UPK1A: variants seen among roughly 807,000 people sequenced by gnomAD.
UPK1A encodes uroplakin 1A.
UPK1A carries 31 observed loss-of-function variants against 32.3 expected under a neutral mutation model. The ratio of observed to expected loss-of-function variants is 0.96; its 90% CI spans 0.72 to 1.30. UPK1A has a LOEUF of 1.30. Among genes scored for constraint, UPK1A ranks in the 50% most tolerant of loss-of-function variants. UPK1A has a pLI of 0.00. For missense variants in UPK1A, 340 were observed against 357.4 expected, an observed-to-expected ratio of 0.95 and a Z score of 0.39; for synonymous variants, 135 against 137.1, an observed-to-expected ratio of 0.98 and a Z score of 0.11.
chr19:35,675,699 C>G, intron 5 of UPK1A, 141 bp from the exon 6 acceptor site: 1 of 961,414 alleles, frequency 1.0e-6, no homozygotes. Flanking sequence ...ACCGGACACA[C>G]TCGCTTGGAG....
At chr19:35,675,776 AC>A in intron 5 of UPK1A, 63 bp from the exon 6 acceptor site, 1 of 1,530,440 alleles carries the variant, frequency 6.5e-7, no homozygotes, top group South Asian at 1.3e-5. Flanking sequence ...TTGCTGTGTG[AC>A]CTCAGGCAAG....
chr19:35,667,130 C>T (rs1317573843), intron 2 of UPK1A, among the ~76,000 whole-genome samples: 1 of 152,140 alleles, frequency 6.6e-6, no homozygotes, highest in Non-Finnish European at 1.5e-5. Flanking sequence ...ATTGTGTGGG[C>T]TGTTGTCATG....
chr19:35,670,915 A>G (rs1347556672), intron 3 of UPK1A, among the ~76,000 whole-genome samples: 1 of 151,246 alleles, frequency 6.6e-6, no homozygotes, highest in Non-Finnish European at 1.5e-5. Context: ...GAGTCTCACT[A>G]TGGTGCCCAG....
At chr19:35,672,190 C>G (rs1968112510) in intron 3 of UPK1A, among the ~76,000 whole-genome samples, 1 of 152,182 alleles carries the variant, frequency 6.6e-6, no homozygotes, top group Admixed American at 6.5e-5. Context: ...CAAATTCAAT[C>G]AAGTTCTTCT....
At chr19:35,673,193 G>C in intron 3 of UPK1A, 39 bp from the exon 4 acceptor site, 2 of 1,606,392 alleles carry the variant, frequency 1.2e-6, no homozygotes, top group African/African-American at 2.7e-5. Context: ...TGGCTTCACG[G>C]GCTCTGCCCG....
Position 35,668,832 on chromosome 19 carries a change from A to G in UPK1A, c.285+178A>G, listed in dbSNP as rs1024701344. On this transcript the variant is annotated intron_variant, in intron 3 of 7. Transcript: ENST00000617999. ...GCCCAATAACCCAGGCTTGAGTAGC[A>G]GAGCTGGGATTTTTTCTTTTTTTTT... 2.2e-5 allele frequency: 16 copies of G among 714,984 alleles called. No homozygotes were observed. In the East Asian group the frequency reaches 4.5e-4, roughly 20 times the overall value. 44.3% of individuals were successfully genotyped at this position (714,984 alleles called of 1,614,324 possible).
exon 8 of UPK1A, chr19:35,678,261 T>C (rs1968213652): frequency 1.4e-5 from 6 of 425,908 alleles, no homozygotes; most frequent in South Asian, 6.9e-5. Flanking sequence ...CTCTCCATGA[T>C]CCCACCTCCC....
chr19:35,673,176 C>CA (rs1968127509), intron 3 of UPK1A, 56 bp from the exon 4 acceptor site: 1 of 1,568,270 alleles, frequency 6.4e-7, no homozygotes, highest in African/African-American at 1.3e-5. Context: ...GCTTCCCTGA[C>CA]GGGGTGTGGC....
At chr19:35,667,306 T>TTTGTG (rs910204227) in intron 2 of UPK1A, among the ~76,000 whole-genome samples, 1 of 150,204 alleles carries the variant, frequency 6.7e-6, no homozygotes, top group Admixed American at 6.7e-5. Context: ...GGTTTTGTGT[T>TTTGTG]TTTTGTTTTG....
At chr19:35,672,390 T>C (rs918458149) in intron 3 of UPK1A, among the ~76,000 whole-genome samples, 3 of 152,126 alleles carry the variant, frequency 2.0e-5, no homozygotes, top group African/African-American at 7.2e-5. Context: ...TCCTCCTGAG[T>C]AGCTGGGATT....
chr19:35,672,386 T>G (rs9973243), intron 3 of UPK1A, among the ~76,000 whole-genome samples: 1 of 151,908 alleles, frequency 6.6e-6, no homozygotes, highest in East Asian at 1.9e-4. Context: ...CTCATCCTCC[T>G]GAGTAGCTGG....
chr19:35,666,838 C>T (rs61741212), exon 2 of UPK1A: 204,649 of 1,613,748 alleles, frequency 0.13, 14,671 homozygotes, highest in African/African-American at 0.24. Context: ...GCAGCGGAGG[C>T]CGAGAAGGGA....
At chr19:35,668,387 C>T (rs778282447) in intron 2 of UPK1A, 67 bp from the exon 3 acceptor site, 11 of 1,594,520 alleles carry the variant, frequency 6.9e-6, no homozygotes, top group African/African-American at 2.7e-5. Flanking sequence ...GGAACTTGCT[C>T]GTGGAGATGC....
chr19:35,673,390 T>C, intron 4 of UPK1A, 48 bp from the exon 5 acceptor site: 2 of 1,610,062 alleles, frequency 1.2e-6, no homozygotes, highest in Non-Finnish European at 1.7e-6. Context: ...GGTCGTCCTC[T>C]CTCCCCACCC....
intron 3 of UPK1A, among the ~76,000 whole-genome samples, chr19:35,672,215 C>T (rs1968112953): frequency 1.3e-5 from 2 of 152,200 alleles, no homozygotes; most frequent in African/African-American, 4.8e-5. Context: ...CTTCCAATAC[C>T]CAGTCTGTGT....
At chr19:35,669,795 A>G (rs1435721734) in intron 3 of UPK1A, among the ~76,000 whole-genome samples, 1 of 152,208 alleles carries the variant, frequency 6.6e-6, no homozygotes, top group East Asian at 1.9e-4. Flanking sequence ...CTCCCAGGTG[A>G]CCAGGAGAGC....
At chr19:35,673,332 G>T (rs776011985) in intron 4 of UPK1A, 26 bp downstream of exon 4, 1 of 1,613,676 alleles carries the variant, frequency 6.2e-7, no homozygotes, top group Non-Finnish European at 8.5e-7. Context: ...CCTGGGGAGG[G>T]GCCTGACCTG....
At chr19:35,674,193 G>A (rs1439054622) in intron 5 of UPK1A, among the ~76,000 whole-genome samples, 2 of 148,500 alleles carry the variant, frequency 1.3e-5, no homozygotes, top group Admixed American at 6.7e-5. Context: ...TCACAGGCAT[G>A]AGCCACGAGT....
chr19:35,676,215 G>A (rs181718751), intron 6 of UPK1A, 196 bp downstream of exon 6: 8,422 of 649,524 alleles, frequency 0.013, 108 homozygotes, highest in South Asian at 0.03. Flanking sequence ...TTTCAAGACC[G>A]AGTCCTGCTC....
Sources: allele counts gnomAD v4.1 joint callset (sites outside exome capture counted in the v4.1 genomes callset), GRCh38; gene constraint gnomAD v4.1.1; transcripts MANE v1.5; gene names NCBI Gene and HGNC (gene_info 2026-07-23, HGNC 2026-07-21).